FCHO2: variants seen among roughly 807,000 people sequenced by gnomAD.
The protein encoded by FCHO2 is F-BAR domain only protein 2.
Under a neutral mutation model 114.1 loss-of-function variants are expected in FCHO2, and 43 were observed. The observed-to-expected ratio is 0.38, with a 90% CI of 0.30 to 0.49. The LOEUF (loss-of-function observed/expected upper bound fraction) is 0.49, where lower values mean the gene tolerates loss of function less well. FCHO2 is among the 20% of genes least tolerant of loss of function. The pLI, the probability that FCHO2 is intolerant of heterozygous loss-of-function variation, is 0.97. For synonymous variants in FCHO2, 293 were observed against 315.2 expected, an observed-to-expected ratio of 0.93 and a Z score of 0.75; for missense variants, 807 against 950.4, an observed-to-expected ratio of 0.85 and a Z score of 1.98.
chr5:73,086,430 C>T (rs892290277), intron 24 of FCHO2, among the ~76,000 whole-genome samples: 1 of 152,210 alleles, frequency 6.6e-6, no homozygotes, highest in African/African-American at 2.4e-5. Context: ...TGTTAAGCTT[C>T]TGTGCAGGGG....
intron 21 of FCHO2, among the ~76,000 whole-genome samples, chr5:73,077,876 T>C (rs1380388077): frequency 6.6e-6 from 1 of 152,112 alleles, no homozygotes; most frequent in Non-Finnish European, 1.5e-5. Context: ...CCCCTTCTTC[T>C]TTGAAATAAT....
chr5:72,995,703 G>T (rs576480011), intron 5 of FCHO2, among the ~76,000 whole-genome samples: 1 of 152,228 alleles, frequency 6.6e-6, no homozygotes, highest in African/African-American at 2.4e-5. Flanking sequence ...ATATGAGGGG[G>T]CTGAGTGTGT....
intron 5 of FCHO2, chr5:72,997,789 T>C: frequency 7.8e-7 from 1 of 1,276,684 alleles, no homozygotes; most frequent in Non-Finnish European, 1.0e-6. Context: ...AGCCCTACAC[T>C]CCACTTGGAG....
chr5:72,957,078 A>C (rs937362377), intron 1 of FCHO2, among the ~76,000 whole-genome samples: 1 of 152,132 alleles, frequency 6.6e-6, no homozygotes, highest in African/African-American at 2.4e-5. Context: ...ATGTATGTTA[A>C]ATTCTTAATT....
At chr5:73,040,303 T>C (rs1756743836) in intron 10 of FCHO2, among the ~76,000 whole-genome samples, 1 of 152,186 alleles carries the variant, frequency 6.6e-6, no homozygotes, top group African/African-American at 2.4e-5. Flanking sequence ...AGCCAGAATG[T>C]TCCAATGAAC....
intron 21 of FCHO2, 24 bp downstream of exon 21, chr5:73,077,517 G>A (rs369054380): frequency 1.3e-6 from 2 of 1,569,432 alleles, no homozygotes; most frequent in South Asian, 1.2e-5. Flanking sequence ...TTGTTTTGAA[G>A]GTTGAAATTT....
chr5:73,054,771 T>C (rs1323532406), intron 15 of FCHO2, among the ~76,000 whole-genome samples: 1 of 152,172 alleles, frequency 6.6e-6, no homozygotes, highest in East Asian at 1.9e-4. Context: ...CTACAACATT[T>C]TTCAGAAATC....
At chr5:72,986,840 T>A (rs1233002860) in intron 2 of FCHO2, among the ~76,000 whole-genome samples, 4 of 152,064 alleles carry the variant, frequency 2.6e-5, no homozygotes, top group Non-Finnish European at 5.9e-5. Flanking sequence ...GAAGGTAATT[T>A]TATACAATAT....
At chr5:72,971,635 C>G (rs1401769691) in intron 2 of FCHO2, among the ~76,000 whole-genome samples, 1 of 152,010 alleles carries the variant, frequency 6.6e-6, no homozygotes, top group Non-Finnish European at 1.5e-5. Context: ...TGAAAATTTT[C>G]TCCCATTTTG....
intron 22 of FCHO2, among the ~76,000 whole-genome samples, chr5:73,079,021 G>A (rs1157950054): frequency 6.6e-6 from 1 of 152,168 alleles, no homozygotes; most frequent in Non-Finnish European, 1.5e-5. Flanking sequence ...AAACCCAGTA[G>A]AGTTACGTCT....
In FCHO2 at chr5:72,974,832, C is replaced by T. The variant is rs1012078188; in HGVS notation, c.125+6243C>T. The stretch of plus-strand genomic sequence containing the variant: ...TTTACATTTTGGCATGATTTTGCAG[C>T]GGCTGGTACTGGTTGTTCCTTTCCA... On this transcript the variant is annotated intron_variant, in intron 2 of 25. Transcript: ENST00000430046. Among the ~76,000 whole-genome samples, 6 of 152,174 alleles carry T rather than the reference C, an allele frequency of 3.9e-5. No individual in the cohort carries two copies. In the South Asian group the frequency reaches 8.3e-4, roughly 21 times the overall value.
chr5:73,004,337 G>A (rs944475894), intron 5 of FCHO2, among the ~76,000 whole-genome samples: 2 of 152,040 alleles, frequency 1.3e-5, no homozygotes, highest in Admixed American at 1.3e-4. Flanking sequence ...CCAGTAACTG[G>A]TATAAAATAA....
At position 72,987,392 on chromosome 5, in the gene FCHO2, C is replaced by T. The variant is rs143316863; in HGVS notation, c.126-2035C>T. Among the ~76,000 whole-genome samples the T allele has an allele frequency of 7.5e-3, 1,140 of 152,190 alleles. 8 individuals carry two copies. The highest frequency in any genetic ancestry group is 0.011 in the Non-Finnish European group (738 of 68,010). On this transcript the variant is annotated intron_variant, in intron 2 of 25. Transcript: ENST00000430046. ...CGCTCTTGTTGCCCAGGCTGGAGTG[C>T]GGTGGCATGATCTTGGCTCACTGCA...
At chr5:72,974,348 G>T (rs1752741106) in intron 2 of FCHO2, among the ~76,000 whole-genome samples, 1 of 142,092 alleles carries the variant, frequency 7.0e-6, no homozygotes, top group Admixed American at 6.9e-5. Flanking sequence ...AAGTCTCTTT[G>T]TAGGTCACTC....
chr5:72,977,449 C>T (rs1441204203), intron 2 of FCHO2, among the ~76,000 whole-genome samples: 4 of 152,156 alleles, frequency 2.6e-5, no homozygotes, highest in Admixed American at 2.6e-4. Context: ...TGTTCATATA[C>T]TTTGCCCACT....
rs151053162 is a variant in FCHO2, at chr5:73,039,320, A to T, written c.915-1971A>T. 1.7e-4 allele frequency among the ~76,000 whole-genome samples: 26 copies of T among 152,302 alleles called. 1 individual carries two copies. In the East Asian group the frequency reaches 5.0e-3, roughly 29 times the overall value. On this transcript the variant is annotated intron_variant, in intron 10 of 25. Transcript: ENST00000430046. ...TGCAGGTGTCATACAGCCCACTGTG[A>T]GGGCAAACAGATAAGTACTTTACCC...
intron 8 of FCHO2, among the ~76,000 whole-genome samples, chr5:73,018,105 A>T (rs552432971): frequency 6.6e-6 from 1 of 152,330 alleles, no homozygotes; most frequent in South Asian, 2.1e-4. Flanking sequence ...ATGATATGGC[A>T]TTCCAGAAAA....
chr5:72,985,315 C>T (rs1753453220), intron 2 of FCHO2, among the ~76,000 whole-genome samples: 1 of 152,066 alleles, frequency 6.6e-6, no homozygotes, highest in African/African-American at 2.4e-5. Flanking sequence ...ATGCATGCCC[C>T]CACGCCCATC....
intron 5 of FCHO2, among the ~76,000 whole-genome samples, chr5:72,999,483 A>G (rs1256919285): frequency 6.7e-6 from 1 of 150,044 alleles, no homozygotes; most frequent in Non-Finnish European, 1.5e-5. Context: ...CCTGGATTCA[A>G]GCCATTCTCT....
Sources: allele counts gnomAD v4.1 joint callset (sites outside exome capture counted in the v4.1 genomes callset), GRCh38; gene constraint gnomAD v4.1.1; transcripts MANE v1.5; gene names NCBI Gene and HGNC (gene_info 2026-07-23, HGNC 2026-07-21).